NAV1: variants seen among roughly 807,000 people sequenced by gnomAD.
NAV1 encodes pore membrane and/or filament interacting like protein 3.
Under a neutral mutation model 175.2 loss-of-function variants are expected in NAV1, and 18 were observed. The ratio of observed to expected loss-of-function variants is 0.10; its 90% CI spans 0.07 to 0.15. NAV1 has a LOEUF of 0.15. NAV1 is among the 10% of genes least tolerant of loss of function. The pLI is 1.00. For missense variants in NAV1, 1,731 were observed against 2,436.6 expected, an observed-to-expected ratio of 0.71 and a Z score of 6.10; for synonymous variants, 897 against 978.7, an observed-to-expected ratio of 0.92 and a Z score of 1.56.
In NAV1 at chr1:201,555,344, G is replaced by A. The variant is rs78937225; in HGVS notation, c.-144+16002G>A. ...GAGACCTACTTTTAACATTCTATGTGACCTCGTTCAAATCTCTTCTCCTCT... is the reference window on the plus strand; with the variant it reads ...GAGACCTACTTTTAACATTCTATGTAACCTCGTTCAAATCTCTTCTCCTCT... On this transcript the variant is annotated intron_variant, in intron 1 of 33. Transcript: ENST00000685211. 8.2e-3 allele frequency among the ~76,000 whole-genome samples: 1,244 copies of A among 152,232 alleles called. 26 individuals are homozygous for A. Among genetic ancestry groups the A allele is most frequent in the African/African-American group, 0.028 (1,180 of 41,548 alleles).
At chr1:201,601,619 C>T (rs1408172597) in intron 2 of NAV1, among the ~76,000 whole-genome samples, 1 of 152,168 alleles carries the variant, frequency 6.6e-6, no homozygotes, top group Non-Finnish European at 1.5e-5. Flanking sequence ...ACTCTTCACT[C>T]TTTCCAACGT....
chr1:201,595,958 A>G (rs1667336730), intron 2 of NAV1, among the ~76,000 whole-genome samples: 1 of 152,256 alleles, frequency 6.6e-6, no homozygotes, highest in Admixed American at 6.5e-5. Context: ...TGCATCACTC[A>G]TACCAGAGAT....
At chr1:201,809,015 T>C (rs1476452433) in intron 20 of NAV1, 144 bp downstream of exon 24, 33 of 1,285,938 alleles carry the variant, frequency 2.6e-5, no homozygotes, top group Non-Finnish European at 3.3e-5. Context: ...TGAGTTGTAA[T>C]GGTCCTTCAA....
chr1:201,763,888 C>T (rs965965814), intron 3 of NAV1, among the ~76,000 whole-genome samples: 1 of 152,178 alleles, frequency 6.6e-6, no homozygotes, highest in African/African-American at 2.4e-5. Context: ...GGGCTGAATA[C>T]TTGTGTATCA....
At chr1:201,730,904 C>G (rs1358369663) in intron 3 of NAV1, among the ~76,000 whole-genome samples, 1 of 152,184 alleles carries the variant, frequency 6.6e-6, no homozygotes, top group Non-Finnish European at 1.5e-5. Context: ...GGCCAGCAGG[C>G]CAGGCAGAGG....
Position 201,587,162 on chromosome 1 carries a change from G to A in NAV1, c.-143-1377G>A, listed in dbSNP as rs185223245. 2.4e-3 allele frequency among the ~76,000 whole-genome samples: 362 copies of A among 152,136 alleles called. 2 individuals are homozygous for A. The highest frequency in any genetic ancestry group is 8.3e-3 in the African/African-American group (344 of 41,506). ...GGAAATTGAGGCTGCAGTGAGCCAC[G>A]GTTGTGCCACTGCACTCCTGCCTGG... On this transcript the variant is annotated intron_variant, in intron 1 of 33. Transcript: ENST00000685211.
chr1:201,790,705 G>A (rs150561500), exon 13 of NAV1: 3 of 1,613,940 alleles, frequency 1.9e-6, no homozygotes, highest in South Asian at 1.1e-5. Context: ...CGGAAGCTTC[G>A]TAGGGAACTG....
chr1:201,820,771 G>A (rs1179387667), exon 30 of NAV1: 2 of 150,744 alleles, frequency 1.3e-5, no homozygotes, highest in Non-Finnish European at 3.0e-5. Flanking sequence ...TTTTTATTTT[G>A]TTTTCATTTT....
intron 17 of NAV1, among the ~76,000 whole-genome samples, chr1:201,805,800 G>A (rs949211461): frequency 1.3e-5 from 2 of 151,984 alleles, no homozygotes; most frequent in Non-Finnish European, 2.9e-5. Flanking sequence ...ATGCGTGCCT[G>A]TGGTCCCAGC....
At chr1:201,770,709 C>T (rs553446105) in intron 3 of NAV1, among the ~76,000 whole-genome samples, 1 of 152,124 alleles carries the variant, frequency 6.6e-6, no homozygotes, top group African/African-American at 2.4e-5. Context: ...GAATTTCCTA[C>T]AAACTTTTGA....
At chr1:201,568,161 G>A (rs1558000449) in intron 1 of NAV1, among the ~76,000 whole-genome samples, 2 of 152,164 alleles carry the variant, frequency 1.3e-5, no homozygotes, top group African/African-American at 4.8e-5. Context: ...GGCAGTGGGG[G>A]GCAGCTGTGG....
At chr1:201,551,504 C>T (rs1387456867) in intron 1 of NAV1, among the ~76,000 whole-genome samples, 1 of 152,184 alleles carries the variant, frequency 6.6e-6, no homozygotes, top group Non-Finnish European at 1.5e-5. Flanking sequence ...GCTGGGATTA[C>T]AAACATGAGC....
rs1673355629 is a variant in NAV1 at position 201,740,558 on chromosome 1, G to A, written c.1226+21803G>A. The stretch of plus-strand genomic sequence containing the variant: ...GGTCACCCTAGTTCCGGAAGCTCCG[G>A]GGGTCGTCCTGGGGTGAAAGGAGGT... On this transcript the variant is annotated intron_variant, in intron 3 of 29. Coordinates refer to ENST00000367296, the Ensembl canonical transcript of NAV1. This position sits in a 1 kb window ranked among gnomAD's most constrained non-coding sequence, Gnocchi z 4.7. Among the ~76,000 whole-genome samples, 1 of 152,164 alleles carries A rather than the reference G, an allele frequency of 6.6e-6. No individual in the cohort carries two copies. The highest frequency in any genetic ancestry group is 1.5e-5 in the Non-Finnish European group (1 of 68,010).
chr1:201,711,716 G>T (rs1671915240), intron 1 of NAV1, among the ~76,000 whole-genome samples: 1 of 152,182 alleles, frequency 6.6e-6, no homozygotes, highest in Non-Finnish European at 1.5e-5. Context: ...GGTACTGGGG[G>T]ACTTGGTTCC....
At chr1:201,793,591 A>G in intron 13 of NAV1, 1 of 550,188 alleles carries the variant, frequency 1.8e-6, no homozygotes, top group South Asian at 2.1e-5. Context: ...ATTATTCAAG[A>G]AGCTGGTTCC....
At chr1:201,764,228 C>G (rs1017398593) in intron 3 of NAV1, among the ~76,000 whole-genome samples, 1 of 152,188 alleles carries the variant, frequency 6.6e-6, no homozygotes, top group Non-Finnish European at 1.5e-5. Flanking sequence ...ATTTTCGTAA[C>G]TTAATGGTTG....
At chr1:201,697,957 T>A (rs1247435426) in intron 1 of NAV1, among the ~76,000 whole-genome samples, 1 of 152,218 alleles carries the variant, frequency 6.6e-6, no homozygotes, top group African/African-American at 2.4e-5. Context: ...GTGAGAGAAC[T>A]GAGGCCCAGA....
At chr1:201,582,144 C>A (rs1361148420) in intron 1 of NAV1, among the ~76,000 whole-genome samples, 1 of 152,158 alleles carries the variant, frequency 6.6e-6, no homozygotes, top group Non-Finnish European at 1.5e-5. Context: ...CACAAGTGGT[C>A]AGCAAAAGAG....
rs1677723239 is a variant in NAV1 at position 201,799,724 on chromosome 1, G to A, written c.3518-3869G>A. Among the ~76,000 whole-genome samples, 5 of 152,114 alleles carry A rather than the reference G, an allele frequency of 3.3e-5. No homozygotes were observed. In the South Asian group the frequency reaches 8.3e-4, roughly 25 times the overall value. ...AAAATACAAAAATAAGCTGTTCATG[G>A]TGGCAGATGCCTGTAATCCCAGCTA... On this transcript the variant is annotated intron_variant, in intron 15 of 29. Transcript: ENST00000367296.
Sources: gnomAD v4.1 joint callset for allele counts (sites outside exome capture counted in the v4.1 genomes callset) on GRCh38, gnomAD v4.1.1 for gene constraint, Gnocchi (gnomAD v3.1) non-coding constraint, MANE v1.5 for transcripts, NCBI Gene and HGNC (gene_info 2026-07-23, HGNC 2026-07-21) for gene names.